Variants in C6 observed in about 807,000 individuals in gnomAD.
C6 encodes the protein complement component C6.
In C6, 101 loss-of-function variants were observed where a neutral mutation model predicts 112.9. The ratio of observed to expected loss-of-function variants is 0.89; its 90% CI spans 0.76 to 1.06. The LOEUF (loss-of-function observed/expected upper bound fraction) is 1.06, where lower values mean the gene tolerates loss of function less well. C6 is among the 50% of genes least tolerant of loss of function. C6 has a pLI of 0.00. For synonymous variants in C6, 431 were observed against 384.1 expected (o/e 1.12, Z -1.43); for missense variants, 1,202 against 1,104.6 (o/e 1.09, Z -1.25).
chr5:41,153,839 G>T lies in C6; in HGVS notation c.2261C>A (p.Pro754His), dbSNP rs972961860. The change falls in exon 15 of 18, where the codon CCC becomes CAC. Residue 754 changes from proline to histidine, a missense_variant. Pro to His is a moderately conservative substitution (Grantham distance 77, BLOSUM62 -2). Transcript: ENST00000337836. ...TTCACAGGTGAGAGAGTTTGAAATG[G>T]GTGGTGTCCAGGAATTCCCCTGGCA... ...YTCQGNSWTPPISNSLTCEKD... is the reference protein window; with the variant it reads ...YTCQGNSWTPHISNSLTCEKD... 4 of 1,613,164 alleles carry T rather than the reference G, an allele frequency of 2.5e-6. No individual in the cohort carries two copies. The highest frequency in any genetic ancestry group is 3.4e-6 in the Non-Finnish European group (4 of 1,179,702).
chr5:41,149,985 C>G lies in C6; in HGVS notation c.2331G>C (p.Gln777His). The change falls in exon 16 of 18, where the codon CAG becomes CAC. Residue 777 changes from glutamine to histidine, a missense_variant. Gln to His is a conservative substitution (Grantham distance 24). Transcript: ENST00000337836. ...TKLKGHCQLG[Q>H]KQSGSECICM... is the part of the protein sequence containing the mutation. ...AAATGCATTCAGATCCTGATTGTTT[C>G]TGTCCCAGCTGACAATGGCCTTTTA... 6.2e-7 allele frequency: 1 copy of G among 1,613,292 alleles called. No individual in the cohort carries two copies.
At chr5:41,180,732 G>C (rs1246369817) in intron 7 of C6, among the ~76,000 whole-genome samples, 1 of 151,812 alleles carries the variant, frequency 6.6e-6, no homozygotes, top group Non-Finnish European at 1.5e-5. Context: ...TTATGATACA[G>C]TCAGGATATT....
Position 41,176,599 on chromosome 5 carries a change from T to G in C6, c.1044A>C (p.Glu348Asp), listed in dbSNP as rs921295043. 6.8e-6 allele frequency: 11 copies of G among 1,613,854 alleles called. No individual in the cohort carries two copies. The highest frequency in any genetic ancestry group is 9.3e-6 in the Non-Finnish European group (11 of 1,179,918). ...TTCGGCTGTACAAAGCAGAGTTGTA[T>G]TCTAGAGGCAGATGGTTAAGTGCTT... ...FLKALNHLPL[E>D]YNSALYSRIF... is the part of the protein sequence containing the mutation. The change falls in exon 8 of 18, where the codon GAA becomes GAC. Residue 348 changes from glutamate (E) to aspartate (D), a missense_variant. Coordinates refer to ENST00000337836, the MANE Select transcript of C6 (RefSeq NM_000065.5).
Position 41,206,945 on chromosome 5 carries a change from T to C in C6, c.-20-3695A>G, listed in dbSNP as rs185532673. ...ATTGTCAGATACACCAAAGTTGAAA[T>C]GAAGGAAAAAATGTTAAGGGCAGCC... On this transcript the variant is annotated intron_variant, in intron 1 of 17. Coordinates refer to ENST00000337836, the MANE Select transcript of C6 (RefSeq NM_000065.5). 4.8e-3 allele frequency among the ~76,000 whole-genome samples: 737 copies of C among 152,052 alleles called. 5 individuals are homozygous for C. The highest frequency in any genetic ancestry group is 0.017 in the African/African-American group (713 of 41,452).
At chr5:41,144,876 G>A (rs1411429811) in intron 17 of C6, among the ~76,000 whole-genome samples, 1 of 152,130 alleles carries the variant, frequency 6.6e-6, no homozygotes, top group Non-Finnish European at 1.5e-5. Flanking sequence ...TAGGATAATG[G>A]CTTCCAGCTC....
chr5:41,186,297 A>T, intron 5 of C6, 89 bp from the exon 6 acceptor site: 1 of 1,438,798 alleles, frequency 7.0e-7, no homozygotes, highest in Non-Finnish European at 9.6e-7. Context: ...TCCTCTTCTA[A>T]ACCTTTTTGC....
intron 5 of C6, among the ~76,000 whole-genome samples, chr5:41,193,220 C>G (rs1211644693): frequency 6.6e-6 from 1 of 152,092 alleles, no homozygotes; most frequent in Non-Finnish European, 1.5e-5. Context: ...AAAAATGGCT[C>G]TCAGGTCATG....
At chr5:41,184,207 T>C (rs922751452) in intron 6 of C6, among the ~76,000 whole-genome samples, 1 of 152,180 alleles carries the variant, frequency 6.6e-6, no homozygotes, top group Non-Finnish European at 1.5e-5. Context: ...TTGACTCTTG[T>C]GAACTCAAAG....
chr5:41,198,134 C>G (rs2150358964), intron 4 of C6, among the ~76,000 whole-genome samples: 1 of 152,080 alleles, frequency 6.6e-6, no homozygotes, highest in Non-Finnish European at 1.5e-5. Flanking sequence ...CTTAAAAATC[C>G]ACGTATACAT....
At chr5:41,224,000 T>A (rs1739332496) in intron 1 of C6, among the ~76,000 whole-genome samples, 1 of 152,142 alleles carries the variant, frequency 6.6e-6, no homozygotes, top group South Asian at 2.1e-4. Context: ...TTTGACAGTA[T>A]CACATCTGGA....
intron 1 of C6, among the ~76,000 whole-genome samples, chr5:41,256,452 A>AG (rs1394363922): frequency 3.3e-5 from 5 of 150,012 alleles, no homozygotes; most frequent in Non-Finnish European, 7.4e-5. Context: ...GTAAAAAAAA[A>AG]AAAAAAAGAG....
intron 4 of C6, among the ~76,000 whole-genome samples, chr5:41,198,769 T>A (rs1443697141): frequency 6.6e-6 from 1 of 152,208 alleles, no homozygotes; most frequent in African/African-American, 2.4e-5. Flanking sequence ...ATCTACTGAA[T>A]AAGAGTCTTT....
In C6 at chr5:41,176,539, A is replaced by G. The variant is rs1748865379; in HGVS notation, c.1104T>C (p.Ser368=). 3.1e-6 allele frequency: 5 copies of G among 1,613,872 alleles called. No individual in the cohort carries two copies. The highest frequency in any genetic ancestry group is 3.4e-6 in the Non-Finnish European group (4 of 1,179,872). Residue 368 remains serine, a synonymous_variant, in exon 8 of 18, where the codon TCT becomes TCC. Transcript: ENST00000337836. ...FDDFGTHYFT[S]GSLGGVYDLL... is the part of the protein sequence containing the mutation. The stretch of plus-strand genomic sequence containing the variant: ...GGTCATACACGCCTCCCAGGGAGCC[A>G]GAGGTGAAGTAATGAGTCCCAAAGT...
Position 41,182,560 on chromosome 5 carries a change from C to T in C6, c.727-1001G>A, listed in dbSNP as rs548469394. 1.8e-4 allele frequency among the ~76,000 whole-genome samples: 28 copies of T among 152,190 alleles called. No individual in the cohort carries two copies. In the South Asian group the frequency reaches 5.4e-3, roughly 29 times the overall value. On this transcript the variant is annotated intron_variant, in intron 6 of 17. Coordinates refer to ENST00000337836, the MANE Select transcript of C6 (RefSeq NM_000065.5). ...ATGAGTCTCTTTAATCTTTGTATAC[C>T]AGCCAGCCAATTATTTCATCTATCT...
intron 1 of C6, among the ~76,000 whole-genome samples, chr5:41,253,052 C>T (rs1561207974): frequency 6.6e-6 from 1 of 152,186 alleles, no homozygotes; most frequent in Non-Finnish European, 1.5e-5. Context: ...TCAGAATAAA[C>T]TTCTTCAAAT....
intron 9 of C6, among the ~76,000 whole-genome samples, chr5:41,166,927 T>C (rs914605223): frequency 1.4e-4 from 21 of 152,278 alleles, no homozygotes; most frequent in African/African-American, 5.0e-4. Context: ...ATTCCCCTTG[T>C]TGTTTAGTCT....
At chr5:41,235,020 G>A (rs931357280) in intron 1 of C6, among the ~76,000 whole-genome samples, 2 of 150,326 alleles carry the variant, frequency 1.3e-5, no homozygotes, top group South Asian at 2.1e-4. Flanking sequence ...CAAAAATGAG[G>A]ATAATATTTT....
At chr5:41,199,457 C>A (rs1226893254) in intron 4 of C6, among the ~76,000 whole-genome samples, 1 of 152,132 alleles carries the variant, frequency 6.6e-6, no homozygotes, top group Non-Finnish European at 1.5e-5. Context: ...TAGTCATCTT[C>A]CAACATGATA....
At chr5:41,176,216 G>A (rs1748829822) in intron 8 of C6, among the ~76,000 whole-genome samples, 1 of 152,156 alleles carries the variant, frequency 6.6e-6, no homozygotes, top group African/African-American at 2.4e-5. Flanking sequence ...GTTCCCAGAT[G>A]TTAGGAAATT....
Sources: gnomAD v4.1 joint callset for allele counts (sites outside exome capture counted in the v4.1 genomes callset) on GRCh38, gnomAD v4.1.1 for gene constraint, MANE v1.5 for transcripts, NCBI Gene and HGNC (gene_info 2026-07-23, HGNC 2026-07-21) for gene names.